Variants in CCDC190 observed in about 807,000 individuals in gnomAD.
The protein encoded by CCDC190 is coiled-coil domain-containing protein 190.
In CCDC190, 10 loss-of-function variants were observed where a neutral mutation model predicts 13.1. The observed-to-expected ratio is 0.77, with a 90% CI of 0.47 to 1.30. The LOEUF is 1.30. CCDC190 is among the 50% of genes most tolerant of loss of function. The pLI, the probability that CCDC190 is intolerant of heterozygous loss-of-function variation, is 0.00. For missense variants in CCDC190, 375 were observed against 354.3 expected (o/e 1.06, Z -0.47); for synonymous variants, 136 against 127.2 (o/e 1.07, Z -0.47).
rs78032080 is a variant in CCDC190, at chr1:162,859,537, A to G, written c.110T>C (p.Val37Ala). ...CAATTTCACATGGTAGAGGCAAATA[A>G]CCTTTAGTCTCTGCAGTCTTTGGTC... is the stretch of plus-strand genomic sequence containing the variant. ...RLDQRLQRLK[V>A]ICLYHVKLLT... is the part of the protein sequence containing the mutation. Residue 37 changes from valine (V) to alanine (A), a missense_variant, in exon 2 of 4, where the codon GTT (valine) becomes GCT (alanine). Physicochemically the swap from Val to Ala is moderately conservative, Grantham distance 64 (BLOSUM62 0). Coordinates refer to ENST00000367912, the MANE Select transcript of CCDC190 (RefSeq NM_001394065.1). 2 of 1,613,648 alleles carry G rather than the reference A, an allele frequency of 1.2e-6. No individual in the cohort carries two copies. Among genetic ancestry groups the G allele is most frequent in the South Asian group, 1.1e-5 (1 of 91,036 alleles).
In CCDC190 at chr1:162,851,700, G is replaced by C. The variant is rs12039748; in HGVS notation, c.*3065C>G. Reference sequence around the variant, plus strand: ...AAAGCCCCTTCTTCCTCATGGGGGAGGAAATGGGGAAGGGATCATCTGTCC... The same window carrying C: ...AAAGCCCCTTCTTCCTCATGGGGGACGAAATGGGGAAGGGATCATCTGTCC... On this transcript the variant is annotated 3_prime_UTR_variant, in exon 4 of 4. Coordinates refer to ENST00000367912, the MANE Select transcript of CCDC190 (RefSeq NM_001394065.1). The C allele has an allele frequency of 6.6e-6, 1 of 152,110 alleles. No individual in the cohort carries two copies. The highest frequency in any genetic ancestry group is 6.6e-5 in the Admixed American group (1 of 15,258). 9.4% of individuals were successfully genotyped at this position (152,110 alleles called of 1,614,324 possible). A position where few individuals can be genotyped will look rare whatever the true frequency, so the allele number is the denominator to read the frequency against.
At chr1:162,866,962 C>G (rs1650728189) in intron 1 of CCDC190, among the ~76,000 whole-genome samples, 1 of 151,814 alleles carries the variant, frequency 6.6e-6, no homozygotes, top group Non-Finnish European at 1.5e-5. Flanking sequence ...GATTATATAC[C>G]TTAACATGCT....
At position 162,855,729 on chromosome 1, in the gene CCDC190, A is replaced by C; in HGVS notation, c.214T>G (p.Tyr72Asp). ...QETMKKKFSS[Y>D]LGNGFQKRPE... The stretch of plus-strand genomic sequence containing the variant: ...CTCTTCTGAAATCCATTCCCCAAAT[A>C]AGAGGAGAACTTTTTCTTCATGGTT... The change falls in exon 3 of 4, where the codon TAT (tyrosine) becomes GAT (aspartate). Residue 72 changes from tyrosine (Y) to aspartate (D), a missense_variant. Physicochemically the swap from Tyr to Asp is radical, Grantham distance 160 (BLOSUM62 -3). Coordinates refer to ENST00000367912, the MANE Select transcript of CCDC190 (RefSeq NM_001394065.1). The C allele has an allele frequency of 1.9e-6, 3 of 1,609,892 alleles. No homozygotes were observed. Among genetic ancestry groups the C allele is most frequent in the Non-Finnish European group, 2.5e-6 (3 of 1,177,522 alleles).
At position 162,851,527 on chromosome 1, in the gene CCDC190, C is replaced by T. The variant is rs1384771521; in HGVS notation, c.*3238G>A. 6.6e-6 allele frequency: 1 copy of T among 152,072 alleles called. No individual in the cohort carries two copies. The highest frequency in any genetic ancestry group is 1.5e-5 in the Non-Finnish European group (1 of 68,030). 9.4% of individuals were successfully genotyped at this position (152,072 alleles called of 1,614,324 possible). A position where few individuals can be genotyped will look rare whatever the true frequency, so the allele number is the denominator to read the frequency against. ...TGGTAAAAACTTACCCAACTTTCCC[C>T]CAACACTGAGGATTGTGACACCCTT... On this transcript the variant is annotated 3_prime_UTR_variant, in exon 4 of 4. Coordinates refer to ENST00000367912, the MANE Select transcript of CCDC190 (RefSeq NM_001394065.1).
chr1:162,856,522 G>A (rs1256667552), intron 2 of CCDC190, among the ~76,000 whole-genome samples: 1 of 152,222 alleles, frequency 6.6e-6, no homozygotes, highest in Non-Finnish European at 1.5e-5. Context: ...ACTGCCAGCC[G>A]TGACTAAGTG....
At chr1:162,857,476 A>G (rs964353179) in intron 2 of CCDC190, among the ~76,000 whole-genome samples, 3 of 152,076 alleles carry the variant, frequency 2.0e-5, no homozygotes, top group Admixed American at 2.0e-4. Context: ...AACTGCACCT[A>G]CACCTCCTCT....
intron 3 of CCDC190, 128 bp from the exon 4 acceptor site, chr1:162,855,487 G>A (rs1369008426): frequency 2.1e-6 from 3 of 1,456,562 alleles, no homozygotes; most frequent in African/African-American, 2.8e-5. Flanking sequence ...ATGGGGTGGA[G>A]GGTGAAACTG....
chr1:162,856,508 T>C (rs910310379), intron 2 of CCDC190, among the ~76,000 whole-genome samples: 6 of 152,222 alleles, frequency 3.9e-5, no homozygotes, highest in Admixed American at 3.9e-4. Flanking sequence ...CCTGTGAGTT[T>C]GCAACTGCCA....
chr1:162,854,019 A>G lies in CCDC190; in HGVS notation c.*746T>C, dbSNP rs1209158581. Among the ~76,000 whole-genome samples the G allele has an allele frequency of 6.6e-6, 1 of 152,216 alleles. No individual in the cohort carries two copies. The highest frequency in any genetic ancestry group is 2.4e-5 in the African/African-American group (1 of 41,458). On this transcript the variant is annotated 3_prime_UTR_variant, in exon 4 of 4. Transcript: ENST00000367912. ...GCCCAAGACATAGAGGCCTACTTGA[A>G]ACAATAGCTTGTTAACAATGTTAGT...
chr1:162,864,014 CA>C (rs35670249), upstream of CCDC190, among the ~76,000 whole-genome samples: 4 of 140,730 alleles, frequency 2.8e-5, no homozygotes, highest in African/African-American at 7.8e-5. Flanking sequence ...GACTCCATCT[CA>C]AAAAAAAAAA....
chr1:162,855,981 A>T, intron 2 of CCDC190: 1 of 358,954 alleles, frequency 2.8e-6, no homozygotes, highest in South Asian at 3.9e-5. Context: ...CAGGGAGAGC[A>T]CTAAGAGACA....
upstream of CCDC190, among the ~76,000 whole-genome samples, chr1:162,861,222 G>C (rs1487516540): frequency 6.6e-6 from 1 of 152,144 alleles, no homozygotes; most frequent in Non-Finnish European, 1.5e-5. Context: ...GGTCAGGAAT[G>C]CTAGCTCCTT....
chr1:162,864,709 C>G (rs1350353316), upstream of CCDC190, among the ~76,000 whole-genome samples: 1 of 151,754 alleles, frequency 6.6e-6, no homozygotes, highest in Non-Finnish European at 1.5e-5. Flanking sequence ...GCTGTATACT[C>G]TACACTCTAA....
chr1:162,864,014 C>CAAAA (rs35670249), upstream of CCDC190, among the ~76,000 whole-genome samples: 21 of 140,712 alleles, frequency 1.5e-4, no homozygotes, highest in African/African-American at 2.3e-4. Context: ...GACTCCATCT[C>CAAAA]AAAAAAAAAA....
chr1:162,859,403 G>A, intron 2 of CCDC190, 57 bp downstream of exon 2: 1 of 1,496,714 alleles, frequency 6.7e-7, no homozygotes, highest in Non-Finnish European at 9.1e-7. Context: ...GGAGTGATGG[G>A]CCTGCTGCCC....
upstream of CCDC190, among the ~76,000 whole-genome samples, chr1:162,864,949 A>AT (rs776822819): frequency 1.7e-4 from 26 of 152,056 alleles, no homozygotes; most frequent in Non-Finnish European, 3.2e-4. Flanking sequence ...AAAGGCAGAG[A>AT]TTTTCAGATC....
chr1:162,861,455 T>C (rs567406777), upstream of CCDC190, among the ~76,000 whole-genome samples: 9 of 152,128 alleles, frequency 5.9e-5, no homozygotes, highest in East Asian at 1.7e-3. Context: ...TTTTTCTCTC[T>C]TTGTCATACC....
In CCDC190 at chr1:162,853,434, A is replaced by G. The variant is rs1650180512; in HGVS notation, c.*1331T>C. ...GGAATGTGTCAGGATAGGGGGAGGT[A>G]CTGAAAAATAGGAGCTATTAGGAAT... On this transcript the variant is annotated 3_prime_UTR_variant, in exon 4 of 4. Transcript: ENST00000367912. Among the ~76,000 whole-genome samples the G allele has an allele frequency of 6.6e-6, 1 of 152,246 alleles. No individual in the cohort carries two copies. Among genetic ancestry groups the G allele is most frequent in the Non-Finnish European group, 1.5e-5 (1 of 68,048 alleles).
rs1327163980 is a variant in CCDC190 at position 162,854,751 on chromosome 1, G to T, written c.*14C>A. On this transcript the variant is annotated 3_prime_UTR_variant, in exon 4 of 4. Coordinates refer to ENST00000367912, the MANE Select transcript of CCDC190 (RefSeq NM_001394065.1). ...CAATAATGGCATATGTTATTGTCAG[G>T]CTATGTTAAACGGTTAGAGAGGAAG... 1.3e-6 allele frequency: 2 copies of T among 1,587,740 alleles called. No homozygotes were observed. The highest frequency in any genetic ancestry group is 8.6e-7 in the Non-Finnish European group (1 of 1,165,250).
Sources: allele counts gnomAD v4.1 joint callset (sites outside exome capture counted in the v4.1 genomes callset), GRCh38; gene constraint gnomAD v4.1.1; transcripts MANE v1.5; gene names NCBI Gene and HGNC (gene_info 2026-07-23, HGNC 2026-07-21).